DUSP29: variants seen among roughly 807,000 people sequenced by gnomAD.
DUSP29 encodes the protein atypical dual-specific protein phosphatase.
A neutral mutation model predicts 13.5 loss-of-function variants in DUSP29; 12 were observed. The ratio of observed to expected loss-of-function variants is 0.89; its 90% CI spans 0.57 to 1.44. DUSP29 has a LOEUF of 1.44. Ranked by LOEUF, DUSP29 falls within the 40% of genes most tolerant of loss-of-function variation. DUSP29 has a pLI of 0.00. For missense variants in DUSP29, 308 were observed against 301.1 expected (o/e 1.02, Z -0.17); for synonymous variants, 134 against 128.7 (o/e 1.04, Z -0.28).
intron 3 of DUSP29, among the ~76,000 whole-genome samples, chr10:75,041,789 T>C (rs570667306): frequency 6.6e-6 from 1 of 152,276 alleles, no homozygotes; most frequent in Admixed American, 6.5e-5. Flanking sequence ...CGTTGGCCCT[T>C]TGTTTGCTAG....
At chr10:75,070,869 G>C (rs1847314161) in intron 1 of DUSP29, among the ~76,000 whole-genome samples, 1 of 152,204 alleles carries the variant, frequency 6.6e-6, no homozygotes. Flanking sequence ...GAACGGGTAG[G>C]CCCAGAAACG....
At chr10:75,068,464 G>A (rs187919011) in intron 1 of DUSP29, among the ~76,000 whole-genome samples, 1 of 152,310 alleles carries the variant, frequency 6.6e-6, no homozygotes, top group African/African-American at 2.4e-5. Context: ...ATGACAGAGT[G>A]AGAACCTTCT....
chr10:75,049,361 A>G (rs2134288138), intron 2 of DUSP29, among the ~76,000 whole-genome samples: 1 of 152,282 alleles, frequency 6.6e-6, no homozygotes. Flanking sequence ...AGTACCCAGG[A>G]GGTCTGGTTT....
intron 2 of DUSP29, among the ~76,000 whole-genome samples, chr10:75,050,634 A>G (rs1206219589): frequency 1.3e-5 from 2 of 152,248 alleles, no homozygotes; most frequent in East Asian, 3.8e-4. Flanking sequence ...GTGGCCACCC[A>G]CACACAGTGG....
At chr10:75,038,148 C>T in intron 3 of DUSP29, 71 bp from the exon 4 acceptor site, 1 of 1,538,232 alleles carries the variant, frequency 6.5e-7, no homozygotes, top group South Asian at 1.2e-5. Context: ...AGGGCCCACT[C>T]CCATCCTGAC....
rs140758968 is a variant in DUSP29, at chr10:75,056,148, C to T, written c.200+2167G>A. On this transcript the variant is annotated intron_variant, in intron 2 of 3. Transcript: ENST00000338487. Reference sequence around the variant, plus strand: ...CTAATCTCCAACTCCTGCCCTCAAGCGATCCTCCTGCCTCAGCCTCCCAAA... The same window carrying T: ...CTAATCTCCAACTCCTGCCCTCAAGTGATCCTCCTGCCTCAGCCTCCCAAA... Among the ~76,000 whole-genome samples the T allele has an allele frequency of 4.1e-3, 621 of 152,214 alleles. 4 individuals carry two copies. Among genetic ancestry groups the T allele is most frequent in the Middle Eastern group, 0.01 (3 of 294 alleles).
Position 75,041,567 on chromosome 10 carries a change from C to T in DUSP29, c.421+2230G>A, listed in dbSNP as rs1166776446. ...ACATGCAGCCATCTTCATTTGTTTA[C>T]ACTCTGCATGGTTCTGCAGGGTAGG... On this transcript the variant is annotated intron_variant, in intron 3 of 3. Transcript: ENST00000338487. 2.0e-5 allele frequency among the ~76,000 whole-genome samples: 3 copies of T among 152,330 alleles called. No individual in the cohort carries two copies. The East Asian group carries it at 5.8e-4, about 29-fold the overall frequency.
chr10:75,043,751 G>A (rs764003473), intron 3 of DUSP29, 46 bp downstream of exon 3: 4 of 1,479,224 alleles, frequency 2.7e-6, no homozygotes, highest in Non-Finnish European at 3.6e-6. Flanking sequence ...GCGAGTCGGG[G>A]CGGGGCGGGG....
chr10:75,053,178 C>T (rs1040966700), intron 2 of DUSP29, among the ~76,000 whole-genome samples: 6 of 152,178 alleles, frequency 3.9e-5, no homozygotes, highest in Non-Finnish European at 7.4e-5. Flanking sequence ...CACAGCTAAT[C>T]GAAACTGACC....
intron 2 of DUSP29, among the ~76,000 whole-genome samples, chr10:75,053,578 C>T (rs557578749): frequency 7.2e-5 from 11 of 152,322 alleles, no homozygotes; most frequent in African/African-American, 2.2e-4. Flanking sequence ...ACTCAAACCC[C>T]GTGCTCCTTC....
intron 3 of DUSP29, among the ~76,000 whole-genome samples, chr10:75,043,108 T>C (rs1846619467): frequency 6.6e-6 from 1 of 152,226 alleles, no homozygotes; most frequent in Non-Finnish European, 1.5e-5. Context: ...CTGGGAAAAC[T>C]TGGACGCTGG....
intron 2 of DUSP29, among the ~76,000 whole-genome samples, chr10:75,057,125 A>G (rs930515276): frequency 6.6e-6 from 1 of 151,998 alleles, no homozygotes; most frequent in Non-Finnish European, 1.5e-5. Context: ...AAAATAAAAA[A>G]TTAGCCAGGT....
intron 3 of DUSP29, among the ~76,000 whole-genome samples, chr10:75,041,687 T>A (rs1454393639): frequency 3.3e-5 from 5 of 152,176 alleles, no homozygotes; most frequent in African/African-American, 1.2e-4. Context: ...CATGTCCTGC[T>A]CCCCATCCCT....
At chr10:75,045,130 GC>G (rs2134284166) in intron 2 of DUSP29, among the ~76,000 whole-genome samples, 1 of 152,348 alleles carries the variant, frequency 6.6e-6, no homozygotes, top group African/African-American at 2.4e-5. Flanking sequence ...GCCGAGGCAG[GC>G]AAATCACATG....
intron 1 of DUSP29, among the ~76,000 whole-genome samples, chr10:75,061,038 GTTGT>G (rs1847076971): frequency 6.6e-6 from 1 of 152,114 alleles, no homozygotes. Context: ...TAAGGTAGTT[GTTGT>G]TTCTCTTTTT....
chr10:75,063,323 G>A (rs1847129178), intron 1 of DUSP29, among the ~76,000 whole-genome samples: 1 of 152,140 alleles, frequency 6.6e-6, no homozygotes, highest in African/African-American at 2.4e-5. Flanking sequence ...TCTACTACAG[G>A]TGCCTACAGG....
At chr10:75,067,098 T>G (rs1056506634) in intron 1 of DUSP29, among the ~76,000 whole-genome samples, 4 of 151,622 alleles carry the variant, frequency 2.6e-5, no homozygotes, top group African/African-American at 4.8e-5. Flanking sequence ...CAGACACGAC[T>G]ACAGGTGTGT....
At chr10:75,040,091 G>A (rs768363137) in intron 3 of DUSP29, among the ~76,000 whole-genome samples, 1 of 152,036 alleles carries the variant, frequency 6.6e-6, no homozygotes, top group Non-Finnish European at 1.5e-5. Flanking sequence ...GAGGAGAATC[G>A]CTTGAATCCG....
At chr10:75,055,032 G>A (rs563823510) in intron 2 of DUSP29, among the ~76,000 whole-genome samples, 7 of 152,170 alleles carry the variant, frequency 4.6e-5, no homozygotes, top group African/African-American at 1.7e-4. Context: ...GGTAGAGATG[G>A]TGTCTTGCTA....
Sources: gnomAD v4.1 joint callset for allele counts (sites outside exome capture counted in the v4.1 genomes callset) on GRCh38, gnomAD v4.1.1 for gene constraint, MANE v1.5 for transcripts, NCBI Gene and HGNC (gene_info 2026-07-23, HGNC 2026-07-21) for gene names.